NELL2: variants seen among roughly 807,000 people sequenced by gnomAD.
The protein encoded by NELL2 is neural EGFL like 2.
In NELL2, 41 loss-of-function variants were observed where a neutral mutation model predicts 109.6. That is an observed-to-expected ratio of 0.37 (90% CI 0.29 to 0.49). The LOEUF is 0.49. Among genes scored for constraint, NELL2 ranks in the 20% least tolerant of loss-of-function variants. NELL2 has a pLI of 0.98. For missense variants in NELL2, 900 were observed against 1,008.3 expected (o/e 0.89, Z 1.45); for synonymous variants, 355 against 344.7 (o/e 1.03, Z -0.33).
intron 12 of NELL2, among the ~76,000 whole-genome samples, chr12:44,687,173 T>C (rs1406019954): frequency 6.6e-6 from 1 of 152,174 alleles, no homozygotes; most frequent in African/African-American, 2.4e-5. Context: ...ATTTTCCAGG[T>C]GCTGTCTGTC....
rs116353469 is a variant in NELL2 at position 44,840,927 on chromosome 12, T to C, written c.185-24791A>G. ...ATGGTAGTTGTTTATGTGTGTAAATTTGAGGCGATAACAAGTAGTTTTGTA... is the reference window on the plus strand; with the variant it reads ...ATGGTAGTTGTTTATGTGTGTAAATCTGAGGCGATAACAAGTAGTTTTGTA... On this transcript the variant is annotated intron_variant, in intron 2 of 19. Transcript: ENST00000429094. 9.1e-3 allele frequency among the ~76,000 whole-genome samples: 1,391 copies of C among 152,320 alleles called. 25 individuals carry two copies. The highest frequency in any genetic ancestry group is 0.032 in the African/African-American group (1,314 of 41,576).
chr12:44,576,612 A>G (rs571874754), intron 15 of NELL2, among the ~76,000 whole-genome samples: 105 of 151,428 alleles, frequency 6.9e-4, no homozygotes, highest in East Asian at 6.6e-3. Context: ...GGTTAGTTAC[A>G]TATGTATACA....
chr12:44,561,110 C>T (rs534829555), intron 15 of NELL2, among the ~76,000 whole-genome samples: 1 of 152,184 alleles, frequency 6.6e-6, no homozygotes, highest in Non-Finnish European at 1.5e-5. Context: ...TGCAGAAAGG[C>T]CTTCAATAAA....
At chr12:44,726,690 C>T (rs553197222) in intron 9 of NELL2, among the ~76,000 whole-genome samples, 20 of 152,056 alleles carry the variant, frequency 1.3e-4, no homozygotes, top group Non-Finnish European at 1.2e-4. Context: ...AAAGACTTAC[C>T]GTGTTTAAAA....
At chr12:44,757,419 G>C (rs1404447559) in intron 9 of NELL2, among the ~76,000 whole-genome samples, 2 of 151,822 alleles carry the variant, frequency 1.3e-5, no homozygotes. Context: ...GATAAATATC[G>C]AAGTCTTTTA....
intron 3 of NELL2, among the ~76,000 whole-genome samples, chr12:44,814,802 T>C (rs1943287767): frequency 6.6e-6 from 1 of 152,188 alleles, no homozygotes; most frequent in South Asian, 2.1e-4. Flanking sequence ...TCCACATAGA[T>C]TTTCTTACGT....
Position 44,818,724 on chromosome 12 carries a change from TA to T in NELL2, c.185-2589del, listed in dbSNP as rs1406153437. Among the ~76,000 whole-genome samples, 1,101 of 117,200 alleles carry T rather than the reference TA, an allele frequency of 9.4e-3. 65 individuals are homozygous for T. In the East Asian group the frequency reaches 0.14, roughly 15 times the overall value. 76.9% of individuals were successfully genotyped at this position (117,200 alleles called of 152,430 possible). A position where few individuals can be genotyped will look rare whatever the true frequency, so the allele number is the denominator to read the frequency against. On this transcript the variant is annotated intron_variant, in intron 2 of 19. Coordinates refer to ENST00000429094, the MANE Select transcript of NELL2 (RefSeq NM_001145108.2). ...GCTGAGAGGCTATATTTTGTTCACT[TA>T]TTTTTTTTTTTTTATTTTTTTTTTT...
intron 9 of NELL2, among the ~76,000 whole-genome samples, chr12:44,769,532 CTTTGGAAAACTG>C (rs1592497049): frequency 6.6e-6 from 1 of 152,196 alleles, no homozygotes; most frequent in East Asian, 1.9e-4. Flanking sequence ...AGTATAAGCA[CTTTGGAAAACTG>C]TTTGGAAAAC....
intron 11 of NELL2, among the ~76,000 whole-genome samples, chr12:44,709,599 A>C (rs1938081048): frequency 6.6e-6 from 1 of 152,180 alleles, no homozygotes; most frequent in Non-Finnish European, 1.5e-5. Flanking sequence ...TTGGAGCAGC[A>C]ATAGATAGTT....
Position 44,670,655 on chromosome 12 carries a change from A to G in NELL2, c.1319-5046T>C, listed in dbSNP as rs931448723. Among the ~76,000 whole-genome samples the G allele has an allele frequency of 4.8e-5, 7 of 146,480 alleles. No homozygotes were observed. The South Asian group carries it at 1.1e-3, about 22-fold the overall frequency. On this transcript the variant is annotated intron_variant, in intron 12 of 19. Coordinates refer to ENST00000429094, the MANE Select transcript of NELL2 (RefSeq NM_001145108.2). ...AAACCAAAAGTGTGAAGGAGTAGCT[A>G]TGTTTATATCAGAAATTGACTTCAA... is the stretch of plus-strand genomic sequence containing the variant.
intron 3 of NELL2, among the ~76,000 whole-genome samples, chr12:44,791,091 A>ATATACG (rs1566403582): frequency 0.029 from 418 of 14,644 alleles, 21 homozygotes; most frequent in African/African-American, 0.061. Flanking sequence ...ACATATATAT[A>ATATACG]TATATGTATA....
At chr12:44,688,220 C>G (rs577304088) in intron 12 of NELL2, among the ~76,000 whole-genome samples, 36 of 152,110 alleles carry the variant, frequency 2.4e-4, no homozygotes, top group Non-Finnish European at 4.9e-4. Context: ...CTGGAAATAA[C>G]CCATGGTAAC....
At chr12:44,855,326 C>G (rs116123083) in intron 2 of NELL2, among the ~76,000 whole-genome samples, 197 of 152,212 alleles carry the variant, frequency 1.3e-3, no homozygotes, top group African/African-American at 4.6e-3. Context: ...TTTAGGAAAG[C>G]CAGGGAATCT....
intron 13 of NELL2, among the ~76,000 whole-genome samples, chr12:44,638,167 C>G (rs1483158860): frequency 1.3e-5 from 2 of 152,010 alleles, no homozygotes; most frequent in East Asian, 1.9e-4. Context: ...CTGAAACATC[C>G]CTTCCTTCCT....
At chr12:44,683,226 T>A (rs1465045398) in intron 12 of NELL2, among the ~76,000 whole-genome samples, 1 of 152,176 alleles carries the variant, frequency 6.6e-6, no homozygotes, top group African/African-American at 2.4e-5. Context: ...TGTTTGCCTG[T>A]TATTGGTGTA....
At chr12:44,603,451 T>C (rs1945291254) in intron 15 of NELL2, among the ~76,000 whole-genome samples, 1 of 152,162 alleles carries the variant, frequency 6.6e-6, no homozygotes, top group South Asian at 2.1e-4. Flanking sequence ...CAGACACATA[T>C]TTGCTGAGGT....
intron 2 of NELL2, among the ~76,000 whole-genome samples, chr12:44,823,318 C>A (rs1222822028): frequency 6.6e-6 from 1 of 152,158 alleles, no homozygotes; most frequent in Non-Finnish European, 1.5e-5. Context: ...ATAGTCACCA[C>A]ACACTGTACA....
At chr12:44,702,952 T>C (rs187063596) in intron 12 of NELL2, among the ~76,000 whole-genome samples, 1 of 152,346 alleles carries the variant, frequency 6.6e-6, no homozygotes, top group East Asian at 1.9e-4. Context: ...ATGCTTTTCA[T>C]GTGGAGTGGG....
intron 16 of NELL2, among the ~76,000 whole-genome samples, chr12:44,525,354 T>C (rs1941716489): frequency 6.6e-6 from 1 of 152,186 alleles, no homozygotes; most frequent in Non-Finnish European, 1.5e-5. Context: ...GAGTAAAAAG[T>C]TGCTCATAAC....
Sources: gnomAD v4.1 joint callset for allele counts (sites outside exome capture counted in the v4.1 genomes callset) on GRCh38, gnomAD v4.1.1 for gene constraint, MANE v1.5 for transcripts, NCBI Gene and HGNC (gene_info 2026-07-23, HGNC 2026-07-21) for gene names.